Variants in PPP1R16B observed in about 807,000 individuals in gnomAD.
PPP1R16B encodes protein phosphatase 1 regulatory subunit 16B.
Under a neutral mutation model 61.7 loss-of-function variants are expected in PPP1R16B, and 14 were observed. That is an observed-to-expected ratio of 0.23 (90% CI 0.15 to 0.35). PPP1R16B has a LOEUF of 0.35. Among genes scored for constraint, PPP1R16B ranks in the 10% least tolerant of loss-of-function variants. PPP1R16B has a pLI of 1.00. For synonymous variants in PPP1R16B, 266 were observed against 305.3 expected, an observed-to-expected ratio of 0.87 and a Z score of 1.34; for missense variants, 547 against 752.5, an observed-to-expected ratio of 0.73 and a Z score of 3.19.
At chr20:38,859,231 G>A (rs796924554) in intron 2 of PPP1R16B, among the ~76,000 whole-genome samples, 3 of 152,106 alleles carry the variant, frequency 2.0e-5, no homozygotes, top group South Asian at 4.2e-4. Flanking sequence ...AGCCCAGCAC[G>A]GGTATTCATG....
chr20:38,865,447 G>A (rs1008992340), intron 2 of PPP1R16B, among the ~76,000 whole-genome samples: 3 of 152,044 alleles, frequency 2.0e-5, no homozygotes, highest in South Asian at 2.1e-4. Flanking sequence ...CCGCCACCAC[G>A]GCCGGCTAAT....
intron 2 of PPP1R16B, among the ~76,000 whole-genome samples, chr20:38,869,212 C>T (rs746371334): frequency 4.6e-5 from 7 of 151,716 alleles, no homozygotes; most frequent in Non-Finnish European, 7.4e-5. Context: ...AGGCTGAATG[C>T]GGGTGGCACG....
intron 2 of PPP1R16B, among the ~76,000 whole-genome samples, chr20:38,876,902 C>G (rs1490999100): frequency 1.3e-5 from 2 of 152,092 alleles, no homozygotes; most frequent in African/African-American, 2.4e-5. Context: ...AATAAAAATC[C>G]CTGATAAATC....
intron 2 of PPP1R16B, 40 bp from the exon 3 acceptor site, chr20:38,889,555 T>A (rs2085275772): frequency 6.6e-7 from 1 of 1,518,346 alleles, no homozygotes; most frequent in African/African-American, 1.4e-5. Flanking sequence ...GCACACCCAG[T>A]GTGCAACGGG....
Position 38,836,165 on chromosome 20 carries a change from C to A in PPP1R16B, c.240C>A (p.Asp80Glu), listed in dbSNP as rs894020762. 6.2e-7 allele frequency: 1 copy of A among 1,609,898 alleles called. No homozygotes were observed. The highest frequency in any genetic ancestry group is 8.5e-7 in the Non-Finnish European group (1 of 1,179,174). Residue 80 changes from aspartate (D) to glutamate (E), a missense_variant, in exon 2 of 11, where the codon GAC (aspartate) becomes GAA (glutamate). Physicochemically the swap from Asp to Glu is conservative, Grantham distance 45. Coordinates refer to ENST00000299824, the MANE Select transcript of PPP1R16B (RefSeq NM_015568.4). ...TGCTGGAGGCCTCGCTGAGGAACGA[C>A]GCCGAGGAAGGTAGGCCCCTCTGTG... Reference protein sequence around the residue: ...VALLEASLRNDAEEVRYFLKN... With the variant: ...VALLEASLRNEAEEVRYFLKN...
chr20:38,893,336 C>T (rs541032577), intron 3 of PPP1R16B, among the ~76,000 whole-genome samples: 1 of 152,106 alleles, frequency 6.6e-6, no homozygotes, highest in Non-Finnish European at 1.5e-5. Flanking sequence ...GCTTCCCATG[C>T]CTGGCAAAGG....
At chr20:38,854,778 G>A (rs751905349) in intron 2 of PPP1R16B, among the ~76,000 whole-genome samples, 10 of 152,086 alleles carry the variant, frequency 6.6e-5, no homozygotes, top group Non-Finnish European at 1.3e-4. Flanking sequence ...CAGTGGACAC[G>A]GTCAGTTTGG....
chr20:38,808,777 T>C (rs1281238671), intron 1 of PPP1R16B, among the ~76,000 whole-genome samples: 2 of 152,068 alleles, frequency 1.3e-5, no homozygotes, highest in Admixed American at 1.3e-4. Context: ...CTCACACCTG[T>C]AATCCCAGCA....
chr20:38,836,095 C>T lies in PPP1R16B; in HGVS notation c.170C>T (p.Thr57Met), dbSNP rs754843485. 8.7e-6 allele frequency: 14 copies of T among 1,611,630 alleles called. No individual in the cohort carries two copies. The highest frequency in any genetic ancestry group is 1.1e-5 in the Non-Finnish European group (13 of 1,179,722). Reference sequence around the variant, plus strand: ...CGAAAGCATGAGCGGAAGCGCAGCACGGGCGGCCGCCGCAAGAAAGTGTCC... The same window carrying T: ...CGAAAGCATGAGCGGAAGCGCAGCATGGGCGGCCGCCGCAAGAAAGTGTCC... ...RKRKHERKRS[T>M]GGRRKKVSFE... The change falls in exon 2 of 11, where the codon ACG becomes ATG. Residue 57 changes from threonine to methionine, a missense_variant. Coordinates refer to ENST00000299824, the MANE Select transcript of PPP1R16B (RefSeq NM_015568.4).
At chr20:38,808,792 G>A (rs1199454382) in intron 1 of PPP1R16B, among the ~76,000 whole-genome samples, 2 of 152,146 alleles carry the variant, frequency 1.3e-5, no homozygotes, top group Non-Finnish European at 2.9e-5. Flanking sequence ...CCAGCAGTTT[G>A]GGAGGCCAAG....
At position 38,844,605 on chromosome 20, in the gene PPP1R16B, AG is replaced by A; in HGVS notation, c.250+8432del. Among the ~76,000 whole-genome samples the A allele has an allele frequency of 1.3e-5, 2 of 152,334 alleles. 1 individual carries two copies. The highest frequency in any genetic ancestry group is 4.1e-4 in the South Asian group (2 of 4,824). ...TAAAAGGACATGTACTCAAGGATTA[AG>A]GTTTCATAAAATTAATACATTTTAT... is the stretch of plus-strand genomic sequence containing the variant. On this transcript the variant is annotated intron_variant, in intron 2 of 10. Coordinates refer to ENST00000299824, the MANE Select transcript of PPP1R16B (RefSeq NM_015568.4).
At chr20:38,894,878 G>A (rs1239344238) in intron 3 of PPP1R16B, among the ~76,000 whole-genome samples, 2 of 152,174 alleles carry the variant, frequency 1.3e-5, no homozygotes, top group African/African-American at 4.8e-5. Flanking sequence ...CCCCCTTACT[G>A]GGGCTGCCCC....
chr20:38,847,362 G>T (rs137957478), intron 2 of PPP1R16B, among the ~76,000 whole-genome samples: 2,321 of 152,066 alleles, frequency 0.015, 25 homozygotes, highest in Middle Eastern at 0.054. Context: ...TTGTTTTTTT[G>T]TTGTTGTTGT....
Position 38,906,293 on chromosome 20 carries a change from T to TG in PPP1R16B, c.822+199_822+200insG, listed in dbSNP as rs1181610077. ...GACAAAGCAAGTTGTGTTTTTTTTT[T>TG]TTTTTTTTTTTTTTTTTTGAGATGG... On this transcript the variant is annotated intron_variant, in intron 7 of 10. Coordinates refer to ENST00000299824, the MANE Select transcript of PPP1R16B (RefSeq NM_015568.4). 1.8e-3 allele frequency among the ~76,000 whole-genome samples: 228 copies of TG among 124,410 alleles called. 3 individuals are homozygous for TG. The East Asian group carries it at 0.028, about 15-fold the overall frequency. The allele number at this position is 124,410 out of a possible 152,430, so 81.6% of individuals were successfully genotyped here.
chr20:38,902,283 GACCC>G (rs2085400455), intron 5 of PPP1R16B, among the ~76,000 whole-genome samples: 3 of 152,228 alleles, frequency 2.0e-5, no homozygotes. Context: ...AACTAACAGA[GACCC>G]TGGTCAGATA....
intron 2 of PPP1R16B, among the ~76,000 whole-genome samples, chr20:38,853,925 G>C (rs961171208): frequency 6.6e-6 from 1 of 152,190 alleles, no homozygotes. Context: ...CCTGCATCGC[G>C]CTTGCTCATG....
At chr20:38,888,908 CA>C (rs1470204483) in intron 2 of PPP1R16B, among the ~76,000 whole-genome samples, 2 of 151,490 alleles carry the variant, frequency 1.3e-5, no homozygotes, top group African/African-American at 4.9e-5. Flanking sequence ...CACACACACA[CA>C]CACACACACA....
intron 3 of PPP1R16B, among the ~76,000 whole-genome samples, chr20:38,894,367 G>T (rs1193640011): frequency 6.6e-6 from 1 of 152,178 alleles, no homozygotes; most frequent in African/African-American, 2.4e-5. Flanking sequence ...CTCTATCCCT[G>T]TGGTCGTTTC....
At chr20:38,917,434 G>T (rs576653860) in intron 10 of PPP1R16B, among the ~76,000 whole-genome samples, 25 of 151,838 alleles carry the variant, frequency 1.6e-4, no homozygotes, top group Non-Finnish European at 3.4e-4. Flanking sequence ...GGTGATTTTT[G>T]CTGTGCTTTA....
Sources: gnomAD v4.1 joint callset for allele counts (sites outside exome capture counted in the v4.1 genomes callset) on GRCh38, gnomAD v4.1.1 for gene constraint, MANE v1.5 for transcripts, NCBI Gene and HGNC (gene_info 2026-07-23, HGNC 2026-07-21) for gene names.